MAST4: variants seen among roughly 807,000 people sequenced by gnomAD.
MAST4 encodes microtubule associated serine/threonine kinase family member 4, also known as microtubule-associated serine/threonine-protein kinase 4.
MAST4 carries 89 observed loss-of-function variants against 162.7 expected under a neutral mutation model. That is an observed-to-expected ratio of 0.55 (90% CI 0.46 to 0.65). The LOEUF is 0.65. Ranked by LOEUF, MAST4 falls within the 30% of genes least tolerant of loss-of-function variation. MAST4 has a pLI of 0.00. For synonymous variants in MAST4, 1,479 were observed against 1,361.1 expected (o/e 1.09, Z -1.91); for missense variants, 3,153 against 3,374.0 (o/e 0.93, Z 1.62).
chr5:67,151,759 CT>C (rs1455230942), intron 24 of MAST4, among the ~76,000 whole-genome samples: 1 of 132,832 alleles, frequency 7.5e-6, no homozygotes, highest in South Asian at 2.4e-4. Flanking sequence ...TTTTTTTCTT[CT>C]TTTTTTCTTT....
intron 19 of MAST4, among the ~76,000 whole-genome samples, chr5:67,137,758 G>A (rs2151018151): frequency 6.6e-6 from 1 of 152,310 alleles, no homozygotes; most frequent in African/African-American, 2.4e-5. Flanking sequence ...GGTAAATAAA[G>A]CGTTACTGAA....
At chr5:66,818,541 G>T (rs1756840527) in intron 3 of MAST4, among the ~76,000 whole-genome samples, 1 of 151,922 alleles carries the variant, frequency 6.6e-6, no homozygotes. Flanking sequence ...GTGTCCTCAG[G>T]TGATACTTAA....
intron 3 of MAST4, among the ~76,000 whole-genome samples, chr5:66,862,570 C>T (rs1350904547): frequency 6.6e-6 from 1 of 152,160 alleles, no homozygotes; most frequent in African/African-American, 2.4e-5. Context: ...ATAATATAGT[C>T]TAAGACCCAC....
At chr5:66,866,668 T>C (rs1169857727) in intron 3 of MAST4, among the ~76,000 whole-genome samples, 2 of 152,238 alleles carry the variant, frequency 1.3e-5, no homozygotes, top group African/African-American at 4.8e-5. Flanking sequence ...ATATAAACTA[T>C]CTCAGAGGTG....
At chr5:67,069,881 A>AGAGTGTGTGTGT (rs1554091814) in intron 5 of MAST4, among the ~76,000 whole-genome samples, 6 of 142,666 alleles carry the variant, frequency 4.2e-5, no homozygotes, top group Admixed American at 3.5e-4. Flanking sequence ...TTTGAGAGAA[A>AGAGTGTGTGTGT]GTGTGTGTGT....
chr5:66,953,319 A>G (rs1402273074), intron 4 of MAST4, among the ~76,000 whole-genome samples: 5 of 152,176 alleles, frequency 3.3e-5, no homozygotes, highest in Non-Finnish European at 5.9e-5. Flanking sequence ...CATCTGAGAA[A>G]TCAAAACTCG....
At chr5:66,753,805 GC>G (rs1347323525) in intron 1 of MAST4, among the ~76,000 whole-genome samples, 1 of 150,540 alleles carries the variant, frequency 6.6e-6, no homozygotes, top group African/African-American at 2.5e-5. Flanking sequence ...ATTTGATGAG[GC>G]CAGCATCATC....
chr5:67,098,037 T>C (rs770996683), intron 7 of MAST4, among the ~76,000 whole-genome samples: 5 of 152,174 alleles, frequency 3.3e-5, no homozygotes, highest in Non-Finnish European at 7.4e-5. Context: ...TTCCCTGGGT[T>C]AACTGTTAGT....
rs970746230 is a variant in MAST4, at chr5:67,165,370, C to A, written c.6191C>A (p.Ala2064Asp). 1.2e-6 allele frequency: 2 copies of A among 1,613,596 alleles called. No individual in the cohort carries two copies. Among genetic ancestry groups the A allele is most frequent in the Admixed American group, 1.7e-5 (1 of 59,998 alleles). ...AGAGACAACTCCTCTCTGCACTCAG[C>A]TGGAATTCCCTGTGAGAAGGAGCTG... ...PPRDNSSLHS[A>D]GIPCEKELGK... is the part of the protein sequence containing the mutation. Residue 2064 changes from alanine (A) to aspartate (D), a missense_variant, in exon 29 of 29, where the codon GCT (alanine) becomes GAT (aspartate). By Grantham distance (126) the Ala-to-Asp change is moderately radical. Transcript: ENST00000403625.
chr5:66,896,515 G>A (rs922398254), intron 3 of MAST4, among the ~76,000 whole-genome samples: 1 of 152,120 alleles, frequency 6.6e-6, no homozygotes, highest in African/African-American at 2.4e-5. Context: ...TTTGAAGAAG[G>A]GAGTATCTAC....
At chr5:66,602,616 G>C (rs544963350) in intron 1 of MAST4, among the ~76,000 whole-genome samples, 5 of 152,160 alleles carry the variant, frequency 3.3e-5, no homozygotes, top group South Asian at 2.1e-4. Flanking sequence ...CAGTGAGAAG[G>C]GTCCATGACC....
intron 5 of MAST4, among the ~76,000 whole-genome samples, chr5:67,089,220 G>C (rs747493837): frequency 6.6e-6 from 1 of 152,184 alleles, no homozygotes; most frequent in Non-Finnish European, 1.5e-5. Flanking sequence ...AGTTCCATGT[G>C]GTCCTCAGAC....
At chr5:67,038,184 A>G (rs1188039172) in intron 4 of MAST4, among the ~76,000 whole-genome samples, 4 of 151,628 alleles carry the variant, frequency 2.6e-5, no homozygotes, top group Non-Finnish European at 4.4e-5. Context: ...AACAGTTGCA[A>G]TTCTAGTTTA....
intron 18 of MAST4, among the ~76,000 whole-genome samples, chr5:67,135,255 T>C (rs1183409334): frequency 1.3e-5 from 2 of 152,242 alleles, no homozygotes; most frequent in East Asian, 3.8e-4. Context: ...TGTTCATCTT[T>C]CATTTAAAAT....
intron 27 of MAST4, among the ~76,000 whole-genome samples, chr5:67,162,070 G>T (rs958288389): frequency 1.3e-5 from 2 of 152,104 alleles, no homozygotes; most frequent in East Asian, 3.9e-4. Flanking sequence ...ACCTTTCTCG[G>T]TTTTTTCTAT....
chr5:67,068,815 ATAG>A (rs1760554625), intron 5 of MAST4, among the ~76,000 whole-genome samples: 1 of 152,192 alleles, frequency 6.6e-6, no homozygotes, highest in South Asian at 2.1e-4. Flanking sequence ...GTACATTAAA[ATAG>A]TAGTCAAGAG....
chr5:66,724,416 T>TA (rs1484448963), intron 1 of MAST4, among the ~76,000 whole-genome samples: 2 of 152,178 alleles, frequency 1.3e-5, no homozygotes, highest in African/African-American at 2.4e-5. Context: ...TGTGATGAGT[T>TA]ACGGATTTTG....
At chr5:66,741,626 A>T (rs954776152) in intron 1 of MAST4, among the ~76,000 whole-genome samples, 2 of 152,120 alleles carry the variant, frequency 1.3e-5, no homozygotes, top group Non-Finnish European at 2.9e-5. Context: ...CCTTTAGTGG[A>T]TATAGTGGTT....
chr5:66,696,441 C>T (rs1431338637), intron 1 of MAST4, among the ~76,000 whole-genome samples: 1 of 152,106 alleles, frequency 6.6e-6, no homozygotes. Context: ...ACCTCCTAGT[C>T]ACACCCACTC....
Sources: gnomAD v4.1 joint callset for allele counts (sites outside exome capture counted in the v4.1 genomes callset) on GRCh38, gnomAD v4.1.1 for gene constraint, MANE v1.5 for transcripts, NCBI Gene and HGNC (gene_info 2026-07-23, HGNC 2026-07-21) for gene names.